OSBPL1A: variants seen among roughly 807,000 people sequenced by gnomAD.
The protein encoded by OSBPL1A is oxysterol-binding protein-related protein 1.
OSBPL1A carries 80 observed loss-of-function variants against 137.1 expected under a neutral mutation model. That is an observed-to-expected ratio of 0.58 (90% CI 0.49 to 0.70). The LOEUF (loss-of-function observed/expected upper bound fraction) is 0.70. Among genes scored for constraint, OSBPL1A ranks in the 30% least tolerant of loss-of-function variants. The pLI is 0.00. For synonymous variants in OSBPL1A, 365 were observed against 389.7 expected (o/e 0.94, Z 0.75); for missense variants, 970 against 1,129.4 (o/e 0.86, Z 2.02).
At chr18:24,164,543 C>G (rs1452758437) in intron 27 of OSBPL1A, among the ~76,000 whole-genome samples, 3 of 151,224 alleles carry the variant, frequency 2.0e-5, no homozygotes, top group Non-Finnish European at 4.4e-5. Context: ...ATTCTCCTGC[C>G]TCAGCCTCCT....
chr18:24,183,626 G>C (rs2086668065), intron 18 of OSBPL1A, among the ~76,000 whole-genome samples: 1 of 139,070 alleles, frequency 7.2e-6, no homozygotes, highest in Non-Finnish European at 1.5e-5. Flanking sequence ...AGTAGAGACG[G>C]GGTTTCACCA....
intron 4 of OSBPL1A, among the ~76,000 whole-genome samples, chr18:24,348,982 C>T (rs907259398): frequency 5.3e-5 from 8 of 151,616 alleles, no homozygotes; most frequent in Non-Finnish European, 7.4e-5. Context: ...ACCTAGGCAA[C>T]GTGTCAAAAC....
intron 17 of OSBPL1A, among the ~76,000 whole-genome samples, chr18:24,214,358 A>G (rs754254982): frequency 4.6e-5 from 7 of 152,234 alleles, no homozygotes; most frequent in African/African-American, 9.6e-5. Context: ...TGCAGTGTGG[A>G]GCTCTCTAAG....
At chr18:24,227,316 G>C (rs2088115764) in intron 16 of OSBPL1A, among the ~76,000 whole-genome samples, 1 of 152,052 alleles carries the variant, frequency 6.6e-6, no homozygotes, top group Non-Finnish European at 1.5e-5. Flanking sequence ...ATAAGAGGGG[G>C]ACAGTTGCCT....
chr18:24,383,993 G>A (rs1355491383), intron 1 of OSBPL1A, among the ~76,000 whole-genome samples: 1 of 152,198 alleles, frequency 6.6e-6, no homozygotes, highest in African/African-American at 2.4e-5. Context: ...CATGTGTCAA[G>A]TACAGCAATG....
At chr18:24,175,130 A>ATATATATATG (rs2086409119) in intron 21 of OSBPL1A, among the ~76,000 whole-genome samples, 4 of 131,022 alleles carry the variant, frequency 3.1e-5, no homozygotes, top group Admixed American at 1.5e-4. Flanking sequence ...ATATATATAT[A>ATATATATATG]TATATACACA....
chr18:24,164,997 T>A (rs990002730), intron 27 of OSBPL1A, 68 bp downstream of exon 27: 274 of 1,504,112 alleles, frequency 1.8e-4, no homozygotes, highest in Non-Finnish European at 2.4e-4. Flanking sequence ...GTGTCTGGCA[T>A]CCCTGCCTCG....
At chr18:24,277,632 T>C (rs1460647662) in intron 15 of OSBPL1A, among the ~76,000 whole-genome samples, 2 of 152,202 alleles carry the variant, frequency 1.3e-5, no homozygotes, top group East Asian at 3.9e-4. Context: ...GCCTGCTCTT[T>C]TAATAAAATT....
intron 14 of OSBPL1A, among the ~76,000 whole-genome samples, chr18:24,284,360 G>C (rs2090027262): frequency 6.6e-6 from 1 of 152,074 alleles, no homozygotes; most frequent in African/African-American, 2.4e-5. Context: ...TGCCTTATTT[G>C]GCCTGCTGTA....
chr18:24,290,028 CTA>C (rs1484831638), intron 14 of OSBPL1A, among the ~76,000 whole-genome samples: 1 of 151,878 alleles, frequency 6.6e-6, no homozygotes, highest in African/African-American at 2.4e-5. Context: ...AAGTTAGGGA[CTA>C]TCTATACGTC....
At chr18:24,289,771 T>G (rs2090142908) in intron 14 of OSBPL1A, among the ~76,000 whole-genome samples, 1 of 152,094 alleles carries the variant, frequency 6.6e-6, no homozygotes, top group Non-Finnish European at 1.5e-5. Flanking sequence ...GGCCAAATGC[T>G]AACTCTGGTT....
chr18:24,321,040 A>AAAAAAAAAAAAG (rs1568025651), intron 7 of OSBPL1A, among the ~76,000 whole-genome samples: 1 of 146,032 alleles, frequency 6.8e-6, no homozygotes, highest in Non-Finnish European at 1.5e-5. Flanking sequence ...AAAAAAAAAA[A>AAAAAAAAAAAAG]AAAAAGAAAA....
intron 4 of OSBPL1A, chr18:24,347,838 T>C (rs545799864): frequency 1.4e-5 from 1 of 70,006 alleles, no homozygotes; most frequent in African/African-American, 6.8e-5. Context: ...CGACACTCCA[T>C]CTGAAAAAAA....
At chr18:24,221,694 A>G (rs1328639449) in intron 17 of OSBPL1A, among the ~76,000 whole-genome samples, 1 of 152,174 alleles carries the variant, frequency 6.6e-6, no homozygotes, top group Non-Finnish European at 1.5e-5. Context: ...TTACCAAACC[A>G]TCTATTCTTT....
At chr18:24,217,380 C>G (rs113922429) in intron 17 of OSBPL1A, among the ~76,000 whole-genome samples, 1,613 of 151,540 alleles carry the variant, frequency 0.011, 32 homozygotes, top group African/African-American at 0.037. Flanking sequence ...GCCTCAGTCT[C>G]CCGTGTAGTT....
intron 15 of OSBPL1A, among the ~76,000 whole-genome samples, chr18:24,276,371 G>C (rs2089846059): frequency 6.6e-6 from 1 of 152,138 alleles, no homozygotes; most frequent in East Asian, 1.9e-4. Context: ...TTTTTCTTCA[G>C]TAGATCAACC....
At chr18:24,269,270 G>C (rs940635398) in intron 15 of OSBPL1A, among the ~76,000 whole-genome samples, 2 of 152,112 alleles carry the variant, frequency 1.3e-5, no homozygotes, top group African/African-American at 2.4e-5. Context: ...GATAAGTTTC[G>C]AACTCTATAA....
chr18:24,284,941 G>T (rs1238954476), intron 14 of OSBPL1A, among the ~76,000 whole-genome samples: 4 of 152,202 alleles, frequency 2.6e-5, no homozygotes, highest in African/African-American at 9.6e-5. Flanking sequence ...AGTGGCTCAT[G>T]CCTGTAATGC....
intron 2 of OSBPL1A, among the ~76,000 whole-genome samples, chr18:24,369,625 C>T (rs1905455739): frequency 6.6e-6 from 1 of 152,180 alleles, no homozygotes; most frequent in Admixed American, 6.5e-5. Flanking sequence ...CCTCAGCACA[C>T]CCACAACAGG....
Sources: allele counts gnomAD v4.1 joint callset (sites outside exome capture counted in the v4.1 genomes callset), GRCh38; gene constraint gnomAD v4.1.1; transcripts MANE v1.5; gene names NCBI Gene and HGNC (gene_info 2026-07-23, HGNC 2026-07-21).